PCDH15: variants seen among roughly 807,000 people sequenced by gnomAD.
PCDH15 encodes the protein protocadherin related 15, also known as protocadherin-15.
In PCDH15, 129 loss-of-function variants were observed where a neutral mutation model predicts 178.5. That is an observed-to-expected ratio of 0.72 (90% confidence interval 0.63 to 0.84). The LOEUF is 0.84. Ranked by LOEUF, PCDH15 falls within the 40% of genes least tolerant of loss-of-function variation. The pLI, the probability that PCDH15 is intolerant of heterozygous loss-of-function variation, is 0.00. For missense variants in PCDH15, 2,230 were observed against 2,099.9 expected, an observed-to-expected ratio of 1.06 and a Z score of -1.21; for synonymous variants, 800 against 732.0, an observed-to-expected ratio of 1.09 and a Z score of -1.50.
intron 8 of PCDH15, among the ~76,000 whole-genome samples, chr10:54,251,415 G>T (rs1014674591): frequency 6.6e-6 from 1 of 152,014 alleles, no homozygotes; most frequent in Non-Finnish European, 1.5e-5. Flanking sequence ...ACTTCTCCTG[G>T]TTTATTAATA....
chr10:55,316,425 G>A (rs1399269767), intron 1 of PCDH15, among the ~76,000 whole-genome samples: 1 of 152,120 alleles, frequency 6.6e-6, no homozygotes, highest in African/African-American at 2.4e-5. Context: ...ATTGCCAGAT[G>A]TTTATATCAG....
chr10:54,736,396 C>T (rs1329729641), intron 1 of PCDH15, among the ~76,000 whole-genome samples: 1 of 151,884 alleles, frequency 6.6e-6, no homozygotes, highest in East Asian at 1.9e-4. Flanking sequence ...TCTCTCTCAC[C>T]CACCCCATCC....
At chr10:55,390,088 C>T (rs1837756270) in intron 2 of PCDH15, among the ~76,000 whole-genome samples, 3 of 151,922 alleles carry the variant, frequency 2.0e-5, no homozygotes, top group Non-Finnish European at 4.4e-5. Context: ...TGCAACAAAG[C>T]TAATATTGCA....
intron 2 of PCDH15, among the ~76,000 whole-genome samples, chr10:55,589,178 T>G (rs1250862279): frequency 6.6e-6 from 1 of 152,112 alleles, no homozygotes; most frequent in Non-Finnish European, 1.5e-5. Context: ...CTAGGGTTTT[T>G]ATGGTTTTAG....
intron 2 of PCDH15, among the ~76,000 whole-genome samples, chr10:55,459,241 A>AAAAAAAAAAAAAAAG (rs10647110): frequency 3.7e-5 from 5 of 134,242 alleles, no homozygotes; most frequent in Non-Finnish European, 3.1e-5. Context: ...GCAAAAAAAA[A>AAAAAAAAAAAAAAAG]AAAGAAGGAA....
At chr10:53,999,443 T>A (rs1040782209) in intron 20 of PCDH15, among the ~76,000 whole-genome samples, 1 of 152,310 alleles carries the variant, frequency 6.6e-6, no homozygotes, top group Non-Finnish European at 1.5e-5. Flanking sequence ...CTGACTTATT[T>A]CCCTTCTTTT....
intron 20 of PCDH15, among the ~76,000 whole-genome samples, chr10:54,002,925 T>C (rs1449528437): frequency 1.3e-5 from 2 of 152,170 alleles, no homozygotes; most frequent in African/African-American, 4.8e-5. Context: ...TTCCACCATG[T>C]GGAAGCTTCC....
intron 1 of PCDH15, among the ~76,000 whole-genome samples, chr10:55,288,528 T>C (rs552780161): frequency 6.6e-6 from 1 of 152,054 alleles, no homozygotes; most frequent in Admixed American, 6.6e-5. Flanking sequence ...ACTAATATCT[T>C]CCTACTTCTC....
intron 18 of PCDH15, among the ~76,000 whole-genome samples, chr10:54,053,163 T>A (rs2093814853): frequency 6.6e-6 from 1 of 152,172 alleles, no homozygotes. Flanking sequence ...TGGACATATA[T>A]CCAATATCAA....
chr10:54,074,524 T>C (rs1394730740), intron 17 of PCDH15, among the ~76,000 whole-genome samples: 1 of 152,210 alleles, frequency 6.6e-6, no homozygotes, highest in Non-Finnish European at 1.5e-5. Flanking sequence ...TGTCATACTT[T>C]CTTCCATCTT....
chr10:54,136,660 A>G (rs1590716301), intron 14 of PCDH15, among the ~76,000 whole-genome samples: 1 of 152,160 alleles, frequency 6.6e-6, no homozygotes, highest in Non-Finnish European at 1.5e-5. Flanking sequence ...CAATGCTACA[A>G]TAAGGACCTT....
intron 2 of PCDH15, among the ~76,000 whole-genome samples, chr10:54,952,332 T>C (rs1481562668): frequency 6.6e-6 from 1 of 151,868 alleles, no homozygotes; most frequent in African/African-American, 2.4e-5. Context: ...ATAGGTCTAC[T>C]TCGAGGATCT....
chr10:54,378,853 A>G lies in PCDH15; in HGVS notation c.247T>C (p.Tyr83His), dbSNP rs764069359. ...TTAACAGGATCCATCAACACCCAGT[A>G]ATCCACATTATCCTTTAAAGAAAGT... ...IELSLKDNVD[Y>H]WVLMDPVKQM... Residue 83 changes from tyrosine (Y) to histidine (H), a missense_variant, in exon 4 of 38, where the codon TAC becomes CAC. Physicochemically the swap from Tyr to His is moderately conservative, Grantham distance 83. Coordinates refer to ENST00000644397, the MANE Select transcript of PCDH15 (RefSeq NM_001384140.1). The G allele has an allele frequency of 1.2e-6, 2 of 1,613,948 alleles. No homozygotes were observed. Among genetic ancestry groups the G allele is most frequent in the South Asian group, 2.2e-5 (2 of 91,088 alleles).
chr10:54,449,735 G>A (rs2136273360), intron 3 of PCDH15, among the ~76,000 whole-genome samples: 1 of 151,794 alleles, frequency 6.6e-6, no homozygotes, highest in African/African-American at 2.4e-5. Flanking sequence ...ATCTAAAATG[G>A]ATTTAAAATA....
In PCDH15 at chr10:54,833,717, C is replaced by T. The variant is rs549690347; in HGVS notation, c.-29+63733G>A. On this transcript the variant is annotated intron_variant, in intron 3 of 5. Transcript: ENST00000458638. ...TTAGTCTCTCTATCTACTTTATTGG[C>T]TCTGTTGCTATGGAGAAACTTGGAT... 5.9e-5 allele frequency among the ~76,000 whole-genome samples: 9 copies of T among 152,248 alleles called. No homozygotes were observed. In the South Asian group the frequency reaches 1.7e-3, roughly 28 times the overall value.
rs1223331565 is a variant in PCDH15 at position 53,982,851 on chromosome 10, T to C, written c.2868+12798A>G. On this transcript the variant is annotated intron_variant, in intron 21 of 37. Transcript: ENST00000644397. ...TAAAAAAATATAAAAAAAGAAAATA[T>C]AATGGACTAAAATAATTAGGTCCTT... Among the ~76,000 whole-genome samples the C allele has an allele frequency of 3.3e-5, 5 of 151,888 alleles. No homozygotes were observed. In the East Asian group the frequency reaches 9.7e-4, roughly 29 times the overall value.
chr10:54,330,127 T>C (rs1470874936), intron 6 of PCDH15, among the ~76,000 whole-genome samples: 1 of 151,162 alleles, frequency 6.6e-6, no homozygotes, highest in African/African-American at 2.4e-5. Context: ...TGATATCCAT[T>C]CTGTATTTTA....
chr10:54,056,156 T>A (rs11004023), intron 18 of PCDH15, among the ~76,000 whole-genome samples: 1 of 152,056 alleles, frequency 6.6e-6, no homozygotes, highest in Non-Finnish European at 1.5e-5. Context: ...GGGGTACATG[T>A]GATATTTTGC....
intron 2 of PCDH15, among the ~76,000 whole-genome samples, chr10:54,962,191 T>C (rs1228096169): frequency 6.6e-6 from 1 of 152,202 alleles, no homozygotes; most frequent in Non-Finnish European, 1.5e-5. Context: ...TCCTGGACTG[T>C]AGGAGTGAAG....
Sources: gnomAD v4.1 joint callset for allele counts (sites outside exome capture counted in the v4.1 genomes callset) on GRCh38, gnomAD v4.1.1 for gene constraint, MANE v1.5 for transcripts, NCBI Gene and HGNC (gene_info 2026-07-23, HGNC 2026-07-21) for gene names.